SLC25A48: variants seen among roughly 807,000 people sequenced by gnomAD.
The protein encoded by SLC25A48 is CTC-321K16.1.
Under a neutral mutation model 32.2 loss-of-function variants are expected in SLC25A48, and 29 were observed. That is an observed-to-expected ratio of 0.90 (90% CI 0.67 to 1.23). SLC25A48 has a LOEUF of 1.23. SLC25A48 is among the 50% of genes most tolerant of loss of function. SLC25A48 has a pLI of 0.00. For synonymous variants in SLC25A48, 164 were observed against 172.3 expected (o/e 0.95, Z 0.38); for missense variants, 399 against 422.7 (o/e 0.94, Z 0.49).
chr5:135,582,615 C>T (rs1212700255), intron 1 of SLC25A48, among the ~76,000 whole-genome samples: 9 of 152,284 alleles, frequency 5.9e-5, no homozygotes, highest in South Asian at 4.1e-4. Flanking sequence ...TACTGGCTCC[C>T]GATCTCATGC....
At chr5:135,606,012 AG>A (rs1180126210) in intron 1 of SLC25A48, among the ~76,000 whole-genome samples, 1 of 152,182 alleles carries the variant, frequency 6.6e-6, no homozygotes, top group Non-Finnish European at 1.5e-5. Context: ...GCCACTGCAG[AG>A]GACTGGGAGA....
At chr5:135,820,622 A>AT (rs1195549814) in intron 4 of SLC25A48, among the ~76,000 whole-genome samples, 5 of 152,104 alleles carry the variant, frequency 3.3e-5, no homozygotes, top group African/African-American at 1.2e-4. Flanking sequence ...AAAGAGATGG[A>AT]TAAAAAAAAT....
At chr5:135,617,499 C>T (rs375996412) in intron 1 of SLC25A48, among the ~76,000 whole-genome samples, 9 of 151,638 alleles carry the variant, frequency 5.9e-5, no homozygotes, top group East Asian at 3.9e-4. Flanking sequence ...TACTAATTCT[C>T]GGTTTGGTTT....
intron 1 of SLC25A48, among the ~76,000 whole-genome samples, chr5:135,586,932 G>C (rs2126873134): frequency 6.6e-6 from 1 of 152,326 alleles, no homozygotes; most frequent in Non-Finnish European, 1.5e-5. Context: ...CTGTCTGGCT[G>C]CTGGACGAAA....
In SLC25A48 at chr5:135,640,592, A is replaced by G. The variant is rs554641663; in HGVS notation, c.-521+5636A>G. ...ACACAGACAAACATAAAAAATCCTT[A>G]ACACGTTATAAGGAAATTGAACCCA... On this transcript the variant is annotated intron_variant, in intron 3 of 10. Transcript: ENST00000646290. Among the ~76,000 whole-genome samples the G allele has an allele frequency of 1.7e-3, 252 of 152,316 alleles. 1 individual carries two copies. The highest frequency in any genetic ancestry group is 5.8e-3 in the African/African-American group (241 of 41,592).
chr5:135,668,632 C>T (rs1753578137), intron 3 of SLC25A48, among the ~76,000 whole-genome samples: 1 of 152,166 alleles, frequency 6.6e-6, no homozygotes, highest in African/African-American at 2.4e-5. Flanking sequence ...GTGAGACAAA[C>T]AAATGTATGA....
At chr5:135,766,787 G>A (rs1396742969) in intron 3 of SLC25A48, among the ~76,000 whole-genome samples, 4 of 151,688 alleles carry the variant, frequency 2.6e-5, no homozygotes, top group Non-Finnish European at 5.9e-5. Flanking sequence ...TACGGGGTGG[G>A]AGAGGGTGAT....
chr5:135,650,315 T>G (rs569487952), intron 3 of SLC25A48: 3 of 422,238 alleles, frequency 7.1e-6, no homozygotes, highest in South Asian at 5.2e-5. Context: ...TTTCCTTGAC[T>G]GGTACACTCC....
At chr5:135,859,250 G>A (rs1026235569) in intron 4 of SLC25A48, among the ~76,000 whole-genome samples, 2 of 152,140 alleles carry the variant, frequency 1.3e-5, no homozygotes, top group African/African-American at 4.8e-5. Flanking sequence ...CACAAGCATG[G>A]CAGAAGGTGA....
intron 3 of SLC25A48, among the ~76,000 whole-genome samples, chr5:135,764,035 C>T (rs1327976898): frequency 2.0e-5 from 3 of 152,038 alleles, no homozygotes; most frequent in African/African-American, 7.3e-5. Flanking sequence ...CCCCATATTT[C>T]GGGGGATGTG....
intron 1 of SLC25A48, among the ~76,000 whole-genome samples, chr5:135,840,570 T>C (rs1758908163): frequency 6.6e-6 from 1 of 152,202 alleles, no homozygotes. Flanking sequence ...GTCACTCCCA[T>C]TTCCACCTCT....
intron 3 of SLC25A48, among the ~76,000 whole-genome samples, chr5:135,768,137 A>C: frequency 7.0e-6 from 1 of 141,966 alleles, no homozygotes; most frequent in Non-Finnish European, 1.6e-5. Context: ...ATTACTCCAA[A>C]TATCACAGTG....
chr5:135,853,532 T>A (rs926181130), intron 4 of SLC25A48, among the ~76,000 whole-genome samples: 2 of 152,218 alleles, frequency 1.3e-5, no homozygotes, highest in African/African-American at 4.8e-5. Context: ...GAAGAAAAAC[T>A]GTCTTTCTCA....
intron 1 of SLC25A48, among the ~76,000 whole-genome samples, chr5:135,598,764 T>A (rs754690195): frequency 7.3e-6 from 1 of 137,274 alleles, no homozygotes; most frequent in African/African-American, 3.0e-5. Flanking sequence ...TGGGGTGGAG[T>A]ATTAACATTT....
At chr5:135,590,479 C>T (rs1313295570) in intron 1 of SLC25A48, among the ~76,000 whole-genome samples, 1 of 152,194 alleles carries the variant, frequency 6.6e-6, no homozygotes, top group Non-Finnish European at 1.5e-5. Flanking sequence ...GCTTGGAGCC[C>T]CCAAGAATGC....
At chr5:135,634,493 G>T (rs1331581863) in intron 2 of SLC25A48, among the ~76,000 whole-genome samples, 1 of 152,214 alleles carries the variant, frequency 6.6e-6, no homozygotes, top group African/African-American at 2.4e-5. Context: ...GAAAGAGAAG[G>T]CTTGGGCCCT....
chr5:135,583,775 G>C (rs1232901068), intron 1 of SLC25A48, among the ~76,000 whole-genome samples: 1 of 152,162 alleles, frequency 6.6e-6, no homozygotes, highest in Non-Finnish European at 1.5e-5. Context: ...ATTGTGTTGT[G>C]TGGCTGCTGG....
At position 135,818,053 on chromosome 5, in the gene SLC25A48, TCC is replaced by T. The variant is rs1561507280; in HGVS notation, c.-117+5128_-117+5129del. Among the ~76,000 whole-genome samples the T allele has an allele frequency of 7.1e-4, 33 of 46,580 alleles. 1 individual carries two copies. The highest frequency in any genetic ancestry group is 3.2e-3 in the African/African-American group (31 of 9,578). The allele number at this position is 46,580 out of a possible 152,430, so 30.6% of individuals were successfully genotyped here. A position where few individuals can be genotyped will look rare whatever the true frequency, so the allele number is the denominator to read the frequency against. ...AGTTTCCCAGGTTTGTTCTCTCTGT[TCC>T]TCTCTCTCTCTCTCTCTCTCTCTCT... On this transcript the variant is annotated intron_variant, in intron 4 of 10. Coordinates refer to the SLC25A48 transcript ENST00000646290.
intron 3 of SLC25A48, among the ~76,000 whole-genome samples, chr5:135,674,232 T>C (rs1022589067): frequency 8.5e-5 from 13 of 152,062 alleles, no homozygotes; most frequent in African/African-American, 3.1e-4. Flanking sequence ...GTCAGGGTAT[T>C]TGGAGTGTCC....
Sources: allele counts gnomAD v4.1 joint callset (sites outside exome capture counted in the v4.1 genomes callset), GRCh38; gene constraint gnomAD v4.1.1; transcripts MANE v1.5; gene names NCBI Gene and HGNC (gene_info 2026-07-23, HGNC 2026-07-21).